C1QTNF5: variants seen among roughly 807,000 people sequenced by gnomAD.
C1QTNF5 encodes C1q and TNF related 5.
C1QTNF5 carries 5 observed loss-of-function variants against 10.9 expected under a neutral mutation model. That is an observed-to-expected ratio of 0.46 (90% CI 0.24 to 0.97). The LOEUF is 0.97. Among genes scored for constraint, C1QTNF5 ranks in the 50% least tolerant of loss-of-function variants. The probability of loss-of-function intolerance (pLI) is 0.19; values close to 1 mark genes in which losing one functional copy is unlikely to be tolerated. For missense variants in C1QTNF5, 281 were observed against 339.4 expected (o/e 0.83, Z 1.35); for synonymous variants, 161 against 156.5 (o/e 1.03, Z -0.22).
chr11:119,343,347 C>T (rs1195629974), upstream of C1QTNF5, among the ~76,000 whole-genome samples: 1 of 152,024 alleles, frequency 6.6e-6, no homozygotes, highest in African/African-American at 2.4e-5. Context: ...CTTGTCTTTA[C>T]AAAAAAATTA....
In C1QTNF5 at chr11:119,339,835, A is replaced by T. The variant is rs758621611; in HGVS notation, c.228T>A (p.Pro76=). The T allele has an allele frequency of 3.3e-6, 5 of 1,500,212 alleles. No individual in the cohort carries two copies. In the South Asian group the frequency reaches 6.4e-5, roughly 19 times the overall value. The allele number at this position is 1,500,212 out of a possible 1,614,324, so 92.9% of individuals were successfully genotyped here. The change falls in exon 3 of 3, where the codon CCT becomes CCA. Residue 76 remains proline, a synonymous_variant. Transcript: ENST00000528368. This position sits in a 1 kb window ranked among gnomAD's most constrained non-coding sequence, Gnocchi z 5.4. ...GEGGRPGLPG[P]RGDPGPRGEA... is the part of the protein sequence containing the mutation. ...CTCCTCGCGGCCCGGGGTCCCCTCG[A>T]GGTCCCGGCAGTCCTGCGGGGTAAG...
chr11:119,343,368 T>C (rs1950522781), upstream of C1QTNF5, among the ~76,000 whole-genome samples: 1 of 152,028 alleles, frequency 6.6e-6, no homozygotes, highest in Admixed American at 6.6e-5. Flanking sequence ...AAAAAGTAAA[T>C]TATCTGGGCG....
upstream of C1QTNF5, chr11:119,345,028 G>C: frequency 6.3e-7 from 1 of 1,595,440 alleles, no homozygotes. Flanking sequence ...GGTTGGGGGT[G>C]AGGGAGGCTC....
upstream of C1QTNF5, chr11:119,343,924 A>G (rs1950529790): frequency 6.2e-7 from 1 of 1,613,222 alleles, no homozygotes; most frequent in Non-Finnish European, 8.5e-7. Context: ...CTGTAGTTCT[A>G]TGCTGTGTCC....
chr11:119,344,586 C>T, upstream of C1QTNF5: 4 of 1,613,416 alleles, frequency 2.5e-6, no homozygotes, highest in South Asian at 1.1e-5. Context: ...CCAGCTTGAA[C>T]CCAGATCAGA....
upstream of C1QTNF5, chr11:119,344,965 A>G (rs747233292): frequency 6.2e-7 from 1 of 1,609,214 alleles, no homozygotes; most frequent in Non-Finnish European, 8.5e-7. Context: ...GGTGGCTGGC[A>G]TTGGTGTTGA....
At chr11:119,345,019 G>A (rs780265379), upstream of C1QTNF5, 10 of 1,599,318 alleles carry the variant, frequency 6.3e-6, no homozygotes, top group South Asian at 1.1e-5. Context: ...AAGAAGCCAG[G>A]TTGGGGGTGA....
At position 119,339,912 on chromosome 11, in the gene C1QTNF5, C is replaced by T; in HGVS notation, c.215-64G>A. The T allele has an allele frequency of 2.1e-6, 3 of 1,425,758 alleles. No homozygotes were observed. The highest frequency in any genetic ancestry group is 2.7e-6 in the Non-Finnish European group (3 of 1,096,952). 88.3% of individuals were successfully genotyped at this position (1,425,758 alleles called of 1,614,324 possible). The stretch of plus-strand genomic sequence containing the variant: ...GGCTCAGCCCGCAGCGGGGCGGCGA[C>T]TCTAAGGTCACCGTACCCCTCCCCG... On this transcript the variant is annotated intron_variant, in intron 2 of 2. Coordinates refer to ENST00000528368, the MANE Select transcript of C1QTNF5 (RefSeq NM_001278431.2). This position sits in a 1 kb window ranked among gnomAD's most constrained non-coding sequence, Gnocchi z 5.4.
chr11:119,344,659 C>T (rs2135372066), upstream of C1QTNF5: 2 of 1,614,082 alleles, frequency 1.2e-6, no homozygotes, highest in East Asian at 2.2e-5. Context: ...CAATTGGTCT[C>T]ATCACTGCCG....
At chr11:119,341,173 A>G (rs1484859158), upstream of C1QTNF5, 1 of 283,010 alleles carries the variant, frequency 3.5e-6, no homozygotes, top group Admixed American at 4.9e-5. Context: ...CCTAGGGCCT[A>G]GGACAGGGGC....
rs1452530852 is a variant in C1QTNF5 at position 119,339,590 on chromosome 11, G to C, written c.473C>G (p.Thr158Ser). 3.1e-6 allele frequency: 5 copies of C among 1,613,280 alleles called. No homozygotes were observed. Among genetic ancestry groups the C allele is most frequent in the Non-Finnish European group, 4.2e-6 (5 of 1,180,052 alleles). Residue 158 changes from threonine to serine, a missense_variant, in exon 3 of 3, where the codon ACC (threonine) becomes AGC (serine). Thr to Ser is a moderately conservative substitution (Grantham distance 58). Transcript: ENST00000528368. This position sits in a 1 kb window ranked among gnomAD's most constrained non-coding sequence, Gnocchi z 5.4. ...PGVYYFAVHA[T>S]VYRASLQFDL... is the part of the protein sequence containing the mutation. ...AAACTGCAGGCTGGCCCGGTAGACG[G>C]TGGCATGGACGGCGAAGTAGTAGAC...
upstream of C1QTNF5, chr11:119,345,617 G>A (rs372728639): frequency 1.2e-6 from 2 of 1,613,756 alleles, no homozygotes; most frequent in Non-Finnish European, 1.7e-6. Flanking sequence ...TTGGGCCAGA[G>A]AGGAGGCCTC....
chr11:119,342,562 G>A, upstream of C1QTNF5: 2 of 1,611,288 alleles, frequency 1.2e-6, no homozygotes, highest in Non-Finnish European at 1.7e-6. Flanking sequence ...TGGGCACCCA[G>A]CCTGCTCAGG....
chr11:119,346,200 G>T, the C1QTNF5 span: 2 of 1,567,376 alleles, frequency 1.3e-6, no homozygotes, highest in Non-Finnish European at 1.7e-6. Flanking sequence ...CCCTTCTGTT[G>T]GGTATTCCTC....
At chr11:119,342,464 G>T, upstream of C1QTNF5, 1 of 1,191,332 alleles carries the variant, frequency 8.4e-7, no homozygotes. Flanking sequence ...AGTGGTCCCA[G>T]AGTCAGGATG....
upstream of C1QTNF5, chr11:119,341,481 C>T (rs971356489): frequency 2.1e-5 from 28 of 1,344,956 alleles, no homozygotes; most frequent in East Asian, 4.6e-5. Flanking sequence ...TTCCTTTGTT[C>T]CCCTGCGTGC....
chr11:119,345,639 G>A (rs765604419), upstream of C1QTNF5: 4 of 1,613,506 alleles, frequency 2.5e-6, no homozygotes, highest in Admixed American at 6.7e-5. Context: ...ACAGGCTGCA[G>A]AGATGGAGGT....
chr11:119,344,178 C>T (rs1950533440), upstream of C1QTNF5: 1 of 979,754 alleles, frequency 1.0e-6, no homozygotes, highest in Non-Finnish European at 1.6e-6. Flanking sequence ...AATAATATTC[C>T]CCCATCCCCC....
upstream of C1QTNF5, chr11:119,344,740 C>G (rs766760683): frequency 6.2e-7 from 1 of 1,613,904 alleles, no homozygotes; most frequent in Non-Finnish European, 8.5e-7. Flanking sequence ...CAGCGGAACT[C>G]ATCATGGGCA....
Sources: allele counts gnomAD v4.1 joint callset (sites outside exome capture counted in the v4.1 genomes callset), GRCh38; gene constraint gnomAD v4.1.1; non-coding constraint Gnocchi (gnomAD v3.1); transcripts MANE v1.5; gene names NCBI Gene and HGNC (gene_info 2026-07-23, HGNC 2026-07-21).